The following ZNF544 variants were observed in gnomAD, a reference collection of about 807,000 sequenced individuals.
ZNF544 encodes zinc finger protein AF020591.
In ZNF544, 10 loss-of-function variants were observed where a neutral mutation model predicts 13.5. The ratio of observed to expected loss-of-function variants is 0.74; its 90% CI spans 0.46 to 1.25. ZNF544 has a LOEUF of 1.25. Among genes scored for constraint, ZNF544 ranks in the 50% most tolerant of loss-of-function variants. The pLI is 0.00. For missense variants in ZNF544, 896 were observed against 845.6 expected (o/e 1.06, Z -0.74); for synonymous variants, 323 against 300.5 (o/e 1.07, Z -0.77).
At position 58,262,792 on chromosome 19, in the gene ZNF544, C is replaced by G; in HGVS notation, c.*38C>G. 6.4e-7 allele frequency: 1 copy of G among 1,553,604 alleles called. No individual in the cohort carries two copies. Among genetic ancestry groups the G allele is most frequent in the Non-Finnish European group, 8.7e-7 (1 of 1,149,614 alleles). On this transcript the variant is annotated 3_prime_UTR_variant, in exon 7 of 7. Coordinates refer to ENST00000687789, the MANE Select transcript of ZNF544 (RefSeq NM_014480.4). ...TGTGGGAAAGCTTTCATCCAGAGGTCTCCCCTCATCATGCACCAGAGGACG... is the reference window on the plus strand; with the variant it reads ...TGTGGGAAAGCTTTCATCCAGAGGTGTCCCCTCATCATGCACCAGAGGACG...
intron 3 of ZNF544, among the ~76,000 whole-genome samples, chr19:58,239,113 C>CA (rs1354465447): frequency 6.6e-6 from 1 of 152,184 alleles, no homozygotes; most frequent in Non-Finnish European, 1.5e-5. Context: ...GTTTTCTTCA[C>CA]ATCTGCTGAT....
At chr19:58,250,137 T>C (rs1427325638) in intron 6 of ZNF544, among the ~76,000 whole-genome samples, 4 of 152,240 alleles carry the variant, frequency 2.6e-5, no homozygotes, top group Admixed American at 2.0e-4. Flanking sequence ...AAAAGGCTCC[T>C]AGTTTTTCAA....
At chr19:58,251,394 G>A in intron 6 of ZNF544, 1 of 518,980 alleles carries the variant, frequency 1.9e-6, no homozygotes, top group East Asian at 5.4e-5. Context: ...ACACAGGCTT[G>A]ACACCAGAAA....
At position 58,262,301 on chromosome 19, in the gene ZNF544, A is replaced by T. The variant is rs2049137480; in HGVS notation, c.1695A>T (p.Ile565=). The T allele has an allele frequency of 6.2e-7, 1 of 1,613,888 alleles. No homozygotes were observed. Residue 565 remains isoleucine, a synonymous_variant, in exon 7 of 7, where the codon ATA becomes ATT. Transcript: ENST00000687789. ...TCAGATGGAACTCTAACCTCGTCATACATCAGAGAATTCATACTGGAGAGA... is the reference window on the plus strand; with the variant it reads ...TCAGATGGAACTCTAACCTCGTCATTCATCAGAGAATTCATACTGGAGAGA... ...KSFRWNSNLV[I]HQRIHTGEKP...
At chr19:58,276,447 TCA>T in intron 6 of ZNF544, 1 of 1,199,682 alleles carries the variant, frequency 8.3e-7, no homozygotes, top group South Asian at 4.3e-5. Context: ...AAGACATCTG[TCA>T]AAAGTCAGAA....
intron 3 of ZNF544, among the ~76,000 whole-genome samples, chr19:58,233,790 C>T (rs2041843087): frequency 6.6e-6 from 1 of 152,110 alleles, no homozygotes; most frequent in African/African-American, 2.4e-5. Flanking sequence ...CTGTGGTGCC[C>T]CAGTATCTTC....
intron 6 of ZNF544, among the ~76,000 whole-genome samples, chr19:58,254,539 G>C (rs559271014): frequency 6.6e-4 from 100 of 152,298 alleles, no homozygotes; most frequent in African/African-American, 2.2e-3. Context: ...TTGAGGTCTG[G>C]AGTTGGATCC....
intron 6 of ZNF544, among the ~76,000 whole-genome samples, chr19:58,255,587 A>G (rs2047123520): frequency 6.6e-6 from 1 of 151,650 alleles, no homozygotes; most frequent in South Asian, 2.1e-4. Context: ...ATGTCTACTG[A>G]AGCTTGTGGA....
chr19:58,234,349 C>T (rs949332203), intron 3 of ZNF544, among the ~76,000 whole-genome samples: 4 of 152,202 alleles, frequency 2.6e-5, no homozygotes, highest in African/African-American at 9.7e-5. Flanking sequence ...GGGCCTAGAA[C>T]TGTTGTCTTT....
At chr19:58,237,585 C>T (rs1035525593) in intron 3 of ZNF544, among the ~76,000 whole-genome samples, 1 of 152,168 alleles carries the variant, frequency 6.6e-6, no homozygotes, top group Admixed American at 6.5e-5. Context: ...TCCGAGGGGC[C>T]CTTCCAGCTA....
At chr19:58,242,393 T>G (rs1265821207) in intron 3 of ZNF544, 1 of 658,648 alleles carries the variant, frequency 1.5e-6, no homozygotes, top group Non-Finnish European at 1.9e-6. Context: ...AGGGAATTTT[T>G]TTTTTTTTGT....
At chr19:58,243,852 C>G in intron 3 of ZNF544, 113 bp from the exon 4 acceptor site, 3 of 803,554 alleles carry the variant, frequency 3.7e-6, no homozygotes, top group Non-Finnish European at 5.5e-6. Flanking sequence ...GAGGCCCATT[C>G]CCGCACCTGG....
chr19:58,242,178 G>T, intron 3 of ZNF544: 1 of 939,848 alleles, frequency 1.1e-6, no homozygotes. Flanking sequence ...CAGCAGCTGC[G>T]AGTGTTGAGG....
intron 6 of ZNF544, among the ~76,000 whole-genome samples, chr19:58,249,794 A>T (rs868551307): frequency 2.0e-5 from 3 of 152,104 alleles, no homozygotes; most frequent in Admixed American, 6.6e-5. Flanking sequence ...TTGATTTCGT[A>T]TGGTGATGAT....
Position 58,261,014 on chromosome 19 carries a change from G to A in ZNF544, c.408G>A (p.Gln136=). The change falls in exon 7 of 7, where the codon CAG becomes CAA. Residue 136 remains glutamine (Q), a synonymous_variant. Coordinates refer to ENST00000687789, the MANE Select transcript of ZNF544 (RefSeq NM_014480.4). ...QDQSNQLREH[Q]ENSLRFMVLT... ...AGAGCAACCAGTTAAGGGAACACCA[G>A]GAGAACTCCTTGAGGTTCATGGTAC... The A allele has an allele frequency of 6.2e-7, 1 of 1,614,108 alleles. No homozygotes were observed. The highest frequency in any genetic ancestry group is 1.6e-4 in the Middle Eastern group (1 of 6,062).
intron 6 of ZNF544, among the ~76,000 whole-genome samples, chr19:58,250,219 A>G (rs8105799): frequency 0.36 from 55,066 of 152,110 alleles, 10,423 homozygotes; most frequent in Middle Eastern, 0.52. Context: ...TAAGGTCCCT[A>G]TGAAGGTGGC....
intron 5 of ZNF544, among the ~76,000 whole-genome samples, chr19:58,275,454 C>G (rs1409138447): frequency 6.6e-6 from 1 of 151,820 alleles, no homozygotes; most frequent in Non-Finnish European, 1.5e-5. Flanking sequence ...CTGACCCACA[C>G]TTTAAGAACT....
chr19:58,238,012 A>G (rs1196443300), intron 3 of ZNF544, among the ~76,000 whole-genome samples: 1 of 152,224 alleles, frequency 6.6e-6, no homozygotes, highest in African/African-American at 2.4e-5. Context: ...AGCTCACTGC[A>G]ACCTCTGCCT....
rs558570299 is a variant in ZNF544 at position 58,239,147 on chromosome 19, A to G, written c.-59-4818A>G. 1.9e-4 allele frequency among the ~76,000 whole-genome samples: 29 copies of G among 152,324 alleles called. No individual in the cohort carries two copies. In the South Asian group the frequency reaches 5.8e-3, roughly 30 times the overall value. ...ATGTGTGAGGTTGGCCTCAGGCTTA[A>G]GAGTCCTGTGCCTGACACAGGCTTG... is the stretch of plus-strand genomic sequence containing the variant. On this transcript the variant is annotated intron_variant, in intron 3 of 6. Transcript: ENST00000687789.
Sources: allele counts gnomAD v4.1 joint callset (sites outside exome capture counted in the v4.1 genomes callset), GRCh38; gene constraint gnomAD v4.1.1; transcripts MANE v1.5; gene names NCBI Gene and HGNC (gene_info 2026-07-23, HGNC 2026-07-21).